The following PSD3 variants were observed in gnomAD, a reference collection of about 807,000 sequenced individuals.
PSD3 encodes PH and SEC7 domain-containing protein 3.
Under a neutral mutation model 105.5 loss-of-function variants are expected in PSD3, and 49 were observed. The observed-to-expected ratio is 0.46, with a 90% CI of 0.37 to 0.59. PSD3 has a LOEUF of 0.59. Ranked by LOEUF, PSD3 falls within the 20% of genes least tolerant of loss-of-function variation. The pLI, the probability that PSD3 is intolerant of heterozygous loss-of-function variation, is 0.00. For missense variants in PSD3, 1,561 were observed against 1,263.8 expected, an observed-to-expected ratio of 1.24 and a Z score of -3.57; for synonymous variants, 557 against 457.8, an observed-to-expected ratio of 1.22 and a Z score of -2.77.
chr8:18,737,484 G>A (rs1804241758), intron 9 of PSD3, among the ~76,000 whole-genome samples: 1 of 152,022 alleles, frequency 6.6e-6, no homozygotes, highest in South Asian at 2.1e-4. Flanking sequence ...ATATATTTTT[G>A]TAGAGATGGA....
In PSD3 at chr8:18,972,971, TA is replaced by T. The variant is rs199861332; in HGVS notation, c.22-36830del. 4.7e-3 allele frequency among the ~76,000 whole-genome samples: 719 copies of T among 152,234 alleles called. 5 individuals carry two copies. The highest frequency in any genetic ancestry group is 0.017 in the African/African-American group (697 of 41,534). On this transcript the variant is annotated intron_variant, in intron 1 of 15. Coordinates refer to ENST00000327040, the MANE Select transcript of PSD3 (RefSeq NM_015310.4). The stretch of plus-strand genomic sequence containing the variant: ...ATGATTTTCTAGATTCTGAAACAAA[TA>T]AAAGCTGAAATTAACAAGACAAAAC...
At chr8:18,560,720 C>G in intron 14 of PSD3, among the ~76,000 whole-genome samples, 1 of 151,946 alleles carries the variant, frequency 6.6e-6, no homozygotes, top group Non-Finnish European at 1.5e-5. Flanking sequence ...GGGTTAATCC[C>G]CAAAGTATAT....
chr8:18,743,959 TCACCACCACCACCACCACCAC>T (rs111311023), intron 9 of PSD3, among the ~76,000 whole-genome samples: 5 of 138,812 alleles, frequency 3.6e-5, no homozygotes, highest in South Asian at 4.7e-4. Context: ...ACTCTGTCTC[TCACCACCACCACCACCACCAC>T]CACCACCACC....
intron 10 of PSD3, among the ~76,000 whole-genome samples, chr8:18,646,604 T>G (rs1387063857): frequency 1.3e-5 from 2 of 151,600 alleles, no homozygotes; most frequent in African/African-American, 4.8e-5. Context: ...ACAAAAAAAA[T>G]GAAAAACTTA....
At chr8:18,753,035 G>T (rs150779401) in intron 9 of PSD3, among the ~76,000 whole-genome samples, 1 of 151,904 alleles carries the variant, frequency 6.6e-6, no homozygotes, top group Admixed American at 6.6e-5. Context: ...CTGGGAAAAA[G>T]TGTGAAGGTA....
At chr8:18,857,201 G>C (rs1026962492) in intron 4 of PSD3, among the ~76,000 whole-genome samples, 1 of 152,196 alleles carries the variant, frequency 6.6e-6, no homozygotes, top group Non-Finnish European at 1.5e-5. Flanking sequence ...ACATCCCCCT[G>C]AGAACGGGGA....
At chr8:18,659,067 G>A (rs1230997053) in intron 9 of PSD3, among the ~76,000 whole-genome samples, 4 of 152,184 alleles carry the variant, frequency 2.6e-5, no homozygotes, top group African/African-American at 9.7e-5. Flanking sequence ...TGCGTGGCTA[G>A]GAGAAAGTTC....
At chr8:18,686,056 A>T (rs1048087314) in intron 9 of PSD3, among the ~76,000 whole-genome samples, 2 of 152,188 alleles carry the variant, frequency 1.3e-5, no homozygotes, top group African/African-American at 4.8e-5. Context: ...CAACAACAAC[A>T]AAAACTAAAA....
At chr8:18,978,387 G>A (rs1825065929) in intron 1 of PSD3, among the ~76,000 whole-genome samples, 1 of 152,190 alleles carries the variant, frequency 6.6e-6, no homozygotes, top group African/African-American at 2.4e-5. Context: ...AAGCAAGGAA[G>A]GTCACAGGAT....
intron 9 of PSD3, 56 bp downstream of exon 9, chr8:18,765,393 G>C: frequency 6.9e-7 from 1 of 1,459,596 alleles, no homozygotes; most frequent in Non-Finnish European, 9.6e-7. Context: ...GGATTAAGCT[G>C]TAAGCAGCAA....
In PSD3 at chr8:18,898,540, T is replaced by C. The variant is rs925378377; in HGVS notation, c.131-25807A>G. On this transcript the variant is annotated intron_variant, in intron 2 of 15. Coordinates refer to ENST00000327040, the MANE Select transcript of PSD3 (RefSeq NM_015310.4). Reference sequence around the variant, plus strand: ...GGCACTGAGCACCACCACCATGCAGTTGAAAATCCACATAACTTTTGACTC... The same window carrying C: ...GGCACTGAGCACCACCACCATGCAGCTGAAAATCCACATAACTTTTGACTC... Among the ~76,000 whole-genome samples the C allele has an allele frequency of 4.6e-5, 7 of 152,260 alleles. No homozygotes were observed. In the East Asian group the frequency reaches 7.7e-4, roughly 17 times the overall value.
intron 12 of PSD3, among the ~76,000 whole-genome samples, chr8:18,599,785 T>C (rs1804299098): frequency 6.6e-6 from 1 of 152,170 alleles, no homozygotes; most frequent in Non-Finnish European, 1.5e-5. Context: ...GACTTGAGTA[T>C]GTGGGGACTT....
At position 18,703,817 on chromosome 8, in the gene PSD3, G is replaced by C. The variant is rs150325481; in HGVS notation, c.2173-48132C>G. Among the ~76,000 whole-genome samples the C allele has an allele frequency of 7.0e-4, 107 of 152,238 alleles. No individual in the cohort carries two copies. In the East Asian group the frequency reaches 0.019, roughly 27 times the overall value. ...TAAGCCATGAATAGAAATGGATACA[G>C]CTGAATCTCAATGCTATCATTTTCA... On this transcript the variant is annotated intron_variant, in intron 9 of 15. Coordinates refer to ENST00000327040, the MANE Select transcript of PSD3 (RefSeq NM_015310.4).
intron 2 of PSD3, chr8:18,887,038 G>T (rs1394261247): frequency 6.6e-6 from 1 of 152,268 alleles, no homozygotes; most frequent in Non-Finnish European, 1.5e-5. Context: ...GTCCCCCAGT[G>T]CAGCAGCAGG....
At chr8:18,826,235 T>C (rs984148137) in intron 4 of PSD3, among the ~76,000 whole-genome samples, 5 of 152,184 alleles carry the variant, frequency 3.3e-5, no homozygotes, top group Admixed American at 6.5e-5. Flanking sequence ...CACCAGAGGC[T>C]TCCCTGGGTC....
At chr8:18,637,442 C>T (rs1264889299) in intron 10 of PSD3, among the ~76,000 whole-genome samples, 1 of 152,180 alleles carries the variant, frequency 6.6e-6, no homozygotes, top group Non-Finnish European at 1.5e-5. Flanking sequence ...TCTTATCACC[C>T]CCCAAATTCC....
intron 4 of PSD3, among the ~76,000 whole-genome samples, chr8:18,863,001 T>C (rs1173860158): frequency 1.3e-5 from 2 of 152,182 alleles, no homozygotes; most frequent in African/African-American, 2.4e-5. Context: ...ATTCACCTGT[T>C]CTGCCATACC....
At chr8:18,849,053 A>C (rs889222057) in intron 4 of PSD3, among the ~76,000 whole-genome samples, 9 of 152,228 alleles carry the variant, frequency 5.9e-5, no homozygotes, top group Non-Finnish European at 1.2e-4. Context: ...CCTTAGGTTT[A>C]TCTTCTACAC....
At chr8:19,044,321 C>T (rs1828238590) in intron 1 of PSD3, among the ~76,000 whole-genome samples, 1 of 152,136 alleles carries the variant, frequency 6.6e-6, no homozygotes, top group African/African-American at 2.4e-5. Context: ...CCAGCCTGTA[C>T]CTTTGATTAT....
Sources: allele counts gnomAD v4.1 joint callset (sites outside exome capture counted in the v4.1 genomes callset), GRCh38; gene constraint gnomAD v4.1.1; transcripts MANE v1.5; gene names NCBI Gene and HGNC (gene_info 2026-07-23, HGNC 2026-07-21).